Variants in GALNT1 observed in about 807,000 individuals in gnomAD.
GALNT1 encodes the protein GalNAc transferase 1.
Under a neutral mutation model 65.7 loss-of-function variants are expected in GALNT1, and 17 were observed. The ratio of observed to expected loss-of-function variants is 0.26; its 90% confidence interval spans 0.18 to 0.39. The LOEUF (loss-of-function observed/expected upper bound fraction) is 0.39, where lower values mean the gene tolerates loss of function less well. Ranked by LOEUF, GALNT1 falls within the 10% of genes least tolerant of loss-of-function variation. The pLI is 1.00. For missense variants in GALNT1, 460 were observed against 672.8 expected (o/e 0.68, Z 3.50); for synonymous variants, 210 against 219.7 (o/e 0.96, Z 0.39).
intron 1 of GALNT1, among the ~76,000 whole-genome samples, chr18:35,585,977 A>G (rs1176088114): frequency 6.6e-6 from 1 of 152,210 alleles, no homozygotes; most frequent in Non-Finnish European, 1.5e-5. Flanking sequence ...TCTCTGGGAT[A>G]TATGCCCAGG....
At chr18:35,706,543 G>A (rs953113298) in intron 11 of GALNT1, among the ~76,000 whole-genome samples, 1 of 152,126 alleles carries the variant, frequency 6.6e-6, no homozygotes, top group East Asian at 1.9e-4. Flanking sequence ...CCAGTTATGA[G>A]TGTGAAGTTT....
intron 1 of GALNT1, among the ~76,000 whole-genome samples, chr18:35,616,203 A>G (rs1463140826): frequency 6.6e-6 from 1 of 152,210 alleles, no homozygotes; most frequent in African/African-American, 2.4e-5. Flanking sequence ...TAGACAAGGT[A>G]AAGGATACAG....
rs2048351745 is a variant in GALNT1, at chr18:35,711,657, C to T, written c.*1887C>T. ...TTTTTGTACTCCAGCATAGCTTGGT[C>T]TTATTTCTTACTGTATGAAAGCTTA... is the stretch of plus-strand genomic sequence containing the variant. On this transcript the variant is annotated 3_prime_UTR_variant, in exon 12 of 12. Transcript: ENST00000269195. The T allele has an allele frequency of 5.3e-5, 8 of 152,136 alleles. No homozygotes were observed. The South Asian group carries it at 1.7e-3, about 31-fold the overall frequency. The allele number at this position is 152,136 out of a possible 1,614,324, so 9.4% of individuals were successfully genotyped here.
At chr18:35,690,894 A>C in intron 7 of GALNT1, 118 bp from the exon 8 acceptor site, 1 of 880,056 alleles carries the variant, frequency 1.1e-6, no homozygotes. Context: ...GTTCCATTTA[A>C]GTTTAAACAA....
rs1006015030 is a variant in GALNT1 at position 35,711,780 on chromosome 18, T to C, written c.*2010T>C. On this transcript the variant is annotated 3_prime_UTR_variant, in exon 12 of 12. Coordinates refer to ENST00000269195, the MANE Select transcript of GALNT1 (RefSeq NM_020474.4). ...CTGATAGATAATCCCATTGCCTTTA[T>C]TTTTCTAATTAAAGAATTCCTAAAT... is the stretch of plus-strand genomic sequence containing the variant. 1.3e-5 allele frequency: 2 copies of C among 152,202 alleles called. No homozygotes were observed. Among genetic ancestry groups the C allele is most frequent in the Non-Finnish European group, 2.9e-5 (2 of 68,032 alleles). The allele number at this position is 152,202 out of a possible 1,614,324, so 9.4% of individuals were successfully genotyped here. A position where few individuals can be genotyped will look rare whatever the true frequency, so the allele number is the denominator to read the frequency against.
chr18:35,667,893 G>A (rs1383179596), intron 3 of GALNT1, among the ~76,000 whole-genome samples: 2 of 152,174 alleles, frequency 1.3e-5, no homozygotes, highest in Non-Finnish European at 2.9e-5. Context: ...CCCATAATAT[G>A]CATTGTTATT....
At position 35,660,684 on chromosome 18, in the gene GALNT1, A is replaced by G. The variant is rs113019858; in HGVS notation, c.140-2944A>G. Among the ~76,000 whole-genome samples the G allele has an allele frequency of 6.4e-3, 975 of 152,314 alleles. 19 individuals carry two copies. Among genetic ancestry groups the G allele is most frequent in the African/African-American group, 0.022 (926 of 41,582 alleles). ...GAAAGTTTATACTTACCATCTTTTT[A>G]GTTGCTTTCTAATGCTATAAATGCA... On this transcript the variant is annotated intron_variant, in intron 2 of 11. Coordinates refer to ENST00000269195, the MANE Select transcript of GALNT1 (RefSeq NM_020474.4).
intron 7 of GALNT1, among the ~76,000 whole-genome samples, chr18:35,689,704 TAGTC>T (rs1471539975): frequency 1.3e-5 from 2 of 152,200 alleles, no homozygotes; most frequent in Non-Finnish European, 2.9e-5. Flanking sequence ...ATATAAAACC[TAGTC>T]ACTTTACCAG....
In GALNT1 at chr18:35,604,414, T is replaced by C. The variant is rs79001307; in HGVS notation, c.-104+22552T>C. 6.9e-3 allele frequency among the ~76,000 whole-genome samples: 1,053 copies of C among 152,190 alleles called. 11 individuals carry two copies. The highest frequency in any genetic ancestry group is 0.024 in the African/African-American group (987 of 41,462). ...GCATGTGTCTTTATGGTAGAATGAT[T>C]TATATTCCTTTGAATACATACCCAG... On this transcript the variant is annotated intron_variant, in intron 1 of 11. Coordinates refer to ENST00000269195, the MANE Select transcript of GALNT1 (RefSeq NM_020474.4).
At chr18:35,679,656 T>G (rs1197347111) in intron 4 of GALNT1, among the ~76,000 whole-genome samples, 1 of 152,194 alleles carries the variant, frequency 6.6e-6, no homozygotes, top group African/African-American at 2.4e-5. Flanking sequence ...CTTCCTGCCT[T>G]GGAAGCCTCA....
intron 1 of GALNT1, among the ~76,000 whole-genome samples, chr18:35,614,884 G>C (rs1318637488): frequency 6.6e-6 from 1 of 151,592 alleles, no homozygotes; most frequent in Non-Finnish European, 1.5e-5. Context: ...AAGCCACCTA[G>C]GAATAAATAG....
At chr18:35,656,519 G>A (rs2047388330) in intron 2 of GALNT1, among the ~76,000 whole-genome samples, 1 of 152,226 alleles carries the variant, frequency 6.6e-6, no homozygotes, top group Non-Finnish European at 1.5e-5. Flanking sequence ...ATCAGCTTGA[G>A]CAGGTGTTTG....
intron 9 of GALNT1, among the ~76,000 whole-genome samples, chr18:35,701,932 G>C (rs1004215793): frequency 2.0e-5 from 3 of 152,120 alleles, no homozygotes; most frequent in Non-Finnish European, 1.5e-5. Context: ...CTCTGAATTA[G>C]GTGCCTGGAT....
chr18:35,644,952 C>G (rs1266522441), intron 1 of GALNT1, among the ~76,000 whole-genome samples: 2 of 152,076 alleles, frequency 1.3e-5, no homozygotes, highest in Non-Finnish European at 2.9e-5. Flanking sequence ...GATCACACCA[C>G]TGCACTCCGG....
chr18:35,665,536 A>G (rs1383007801), intron 3 of GALNT1, among the ~76,000 whole-genome samples: 17 of 152,306 alleles, frequency 1.1e-4, no homozygotes, highest in Admixed American at 1.0e-3. Context: ...ATGAAAATAG[A>G]CTGTACTCCA....
Position 35,692,189 on chromosome 18 carries a change from A to C in GALNT1, c.1168A>C (p.Lys390Gln). The C allele has an allele frequency of 6.2e-7, 1 of 1,606,906 alleles. No individual in the cohort carries two copies. Among genetic ancestry groups the C allele is most frequent in the Admixed American group, 1.7e-5 (1 of 58,262 alleles). The change falls in exon 9 of 12, where the codon AAG (lysine) becomes CAG (glutamine). Residue 390 changes from lysine to glutamine, a missense_variant. Lys to Gln is a moderately conservative substitution (Grantham distance 53). Coordinates refer to ENST00000269195, the MANE Select transcript of GALNT1 (RefSeq NM_020474.4). Reference sequence around the variant, plus strand: ...ATTATTTCTTTCAACAGGTGTTACAAAGGTAGATTATGGAGATATATCGTC... The same window carrying C: ...ATTATTTCTTTCAACAGGTGTTACACAGGTAGATTATGGAGATATATCGTC... ...FFYIISPGVT[K>Q]VDYGDISSRV...
In GALNT1 at chr18:35,683,557, G is replaced by A. The variant is rs767611437; in HGVS notation, c.648G>A (p.Val216=). The change falls in exon 5 of 12, where the codon GTG becomes GTA. Residue 216 remains valine (V), a synonymous_variant. Coordinates refer to ENST00000269195, the MANE Select transcript of GALNT1 (RefSeq NM_020474.4). ...TFLDAHCECT[V]GWLEPLLARI... ...TGGATGCCCATTGTGAGTGTACAGT[G>A]GGATGGCTGGAGCCTCTCTTGGCCA... 1.1e-5 allele frequency: 17 copies of A among 1,613,612 alleles called. No individual in the cohort carries two copies. The highest frequency in any genetic ancestry group is 4.5e-5 in the East Asian group (2 of 44,890).
At chr18:35,671,168 C>T (rs2047629262) in intron 3 of GALNT1, among the ~76,000 whole-genome samples, 1 of 152,010 alleles carries the variant, frequency 6.6e-6, no homozygotes, top group Non-Finnish European at 1.5e-5. Context: ...CTCTCGTGCT[C>T]ATGTTCATAG....
intron 1 of GALNT1, among the ~76,000 whole-genome samples, chr18:35,600,740 T>C (rs1250351521): frequency 1.3e-5 from 2 of 152,158 alleles, no homozygotes; most frequent in Admixed American, 6.5e-5. Context: ...GTGTCAAGTT[T>C]ATTGACTTGC....
Sources: gnomAD v4.1 joint callset for allele counts (sites outside exome capture counted in the v4.1 genomes callset) on GRCh38, gnomAD v4.1.1 for gene constraint, MANE v1.5 for transcripts, NCBI Gene and HGNC (gene_info 2026-07-23, HGNC 2026-07-21) for gene names.